Variants in VPS35L observed in about 807,000 individuals in gnomAD.
VPS35L encodes VPS35 endosomal protein sorting factor like.
In VPS35L, 83 loss-of-function variants were observed where a neutral mutation model predicts 133.0. The ratio of observed to expected loss-of-function variants is 0.62; its 90% CI spans 0.52 to 0.75. VPS35L has a LOEUF of 0.75. Among genes scored for constraint, VPS35L ranks in the 30% least tolerant of loss-of-function variants. The pLI, the probability that VPS35L is intolerant of heterozygous loss-of-function variation, is 0.00. For missense variants in VPS35L, 1,083 were observed against 1,206.8 expected (o/e 0.90, Z 1.52); for synonymous variants, 423 against 449.9 (o/e 0.94, Z 0.76).
At chr16:19,640,845 C>T (rs922817031) in intron 21 of VPS35L, among the ~76,000 whole-genome samples, 1 of 152,148 alleles carries the variant, frequency 6.6e-6, no homozygotes, top group African/African-American at 2.4e-5. Context: ...TTCTCATGCT[C>T]AGGTGATCCT....
At chr16:19,684,011 A>G (rs1236586223) in intron 28 of VPS35L, among the ~76,000 whole-genome samples, 3 of 152,200 alleles carry the variant, frequency 2.0e-5, no homozygotes, top group Admixed American at 1.3e-4. Flanking sequence ...ATACACATGC[A>G]TGAGCTTCGT....
intron 9 of VPS35L, among the ~76,000 whole-genome samples, chr16:19,604,433 A>C (rs1215896750): frequency 1.3e-5 from 2 of 152,302 alleles, no homozygotes; most frequent in East Asian, 3.9e-4. Context: ...CACTTTTATC[A>C]CTAAAATTCT....
intron 29 of VPS35L, chr16:19,693,900 G>T (rs1975799718): frequency 1.4e-5 from 2 of 142,934 alleles, no homozygotes; most frequent in Non-Finnish European, 3.0e-5. Flanking sequence ...AGTGAGCTGT[G>T]ATCATGCCAC....
intron 12 of VPS35L, among the ~76,000 whole-genome samples, chr16:19,613,211 G>A (rs1277977548): frequency 6.6e-6 from 1 of 152,156 alleles, no homozygotes; most frequent in African/African-American, 2.4e-5. Flanking sequence ...GCTGAGGCAC[G>A]AGAATCACTT....
intron 29 of VPS35L, among the ~76,000 whole-genome samples, chr16:19,698,858 T>C (rs531970319): frequency 6.6e-6 from 1 of 152,302 alleles, no homozygotes; most frequent in African/African-American, 2.4e-5. Flanking sequence ...ATTCTGGAGA[T>C]TTATTTTCCC....
At position 19,700,674 on chromosome 16, in the gene VPS35L, C is replaced by G. The variant is rs994760252; in HGVS notation, c.*198C>G. 4.1e-5 allele frequency: 23 copies of G among 560,250 alleles called. No individual in the cohort carries two copies. In the East Asian group the frequency reaches 6.2e-4, roughly 15 times the overall value. The allele number at this position is 560,250 out of a possible 1,614,324, so 34.7% of individuals were successfully genotyped here. A position where few individuals can be genotyped will look rare whatever the true frequency, so the allele number is the denominator to read the frequency against. On this transcript the variant is annotated 3_prime_UTR_variant, in exon 31 of 31. Transcript: ENST00000417362. ...TGGGAGTTGTCAGAGCATTAAAATG[C>G]AATCTTCACTAAGAAGCAGTCTCTG... is the stretch of plus-strand genomic sequence containing the variant.
At position 19,686,557 on chromosome 16, in the gene VPS35L, C is replaced by T. The variant is rs116555036; in HGVS notation, c.2527+4167C>T. 3.5e-3 allele frequency among the ~76,000 whole-genome samples: 527 copies of T among 152,220 alleles called. 2 individuals are homozygous for T. The highest frequency in any genetic ancestry group is 0.012 in the African/African-American group (509 of 41,546). The stretch of plus-strand genomic sequence containing the variant: ...ACTCTTCCACGTCACCTGCCAGGCC[C>T]TCAAAGCATTCGGGTTTGCAACTTG... On this transcript the variant is annotated intron_variant, in intron 28 of 30. Coordinates refer to ENST00000417362, the MANE Select transcript of VPS35L (RefSeq NM_020314.7).
chr16:19,673,084 G>A (rs760040791), intron 27 of VPS35L, among the ~76,000 whole-genome samples: 2 of 152,164 alleles, frequency 1.3e-5, no homozygotes, highest in Non-Finnish European at 2.9e-5. Flanking sequence ...TTTCTGAGGT[G>A]TCATCACAGT....
At chr16:19,580,651 G>A (rs866985217) in intron 6 of VPS35L, among the ~76,000 whole-genome samples, 2 of 151,896 alleles carry the variant, frequency 1.3e-5, no homozygotes, top group Admixed American at 1.3e-4. Flanking sequence ...AGCTGCCGAG[G>A]GTTTTTGCTA....
At chr16:19,697,335 CT>C (rs1173346534) in intron 29 of VPS35L, among the ~76,000 whole-genome samples, 1 of 152,158 alleles carries the variant, frequency 6.6e-6, no homozygotes, top group Non-Finnish European at 1.5e-5. Context: ...GCATTTGAAG[CT>C]GTTCCTTGAC....
At chr16:19,578,712 G>C (rs1486113339) in intron 5 of VPS35L, 1 of 335,704 alleles carries the variant, frequency 3.0e-6, no homozygotes, top group African/African-American at 2.1e-5. Flanking sequence ...TTTGTTCATA[G>C]AAAACAATTA....
chr16:19,690,333 GAGGGAGGAGGA>G (rs903615440), intron 28 of VPS35L, among the ~76,000 whole-genome samples: 1 of 152,214 alleles, frequency 6.6e-6, no homozygotes, highest in Non-Finnish European at 1.5e-5. Context: ...GGGAAGGAGG[GAGGGAGGAGGA>G]AGGGAGGAGG....
chr16:19,699,374 A>T lies in VPS35L; in HGVS notation c.2647-128A>T. ...GAGGTTCAGCAGCTTGCCCTACAGC[A>T]AATACATGGCAGAGCTGGCACTGGA... On this transcript the variant is annotated intron_variant, in intron 29 of 30. Coordinates refer to ENST00000417362, the MANE Select transcript of VPS35L (RefSeq NM_020314.7). The surrounding 1 kb of genome is among the most constrained non-coding windows in gnomAD (Gnocchi z 4.2). 8.2e-7 allele frequency: 1 copy of T among 1,212,622 alleles called. No individual in the cohort carries two copies. Among genetic ancestry groups the T allele is most frequent in the East Asian group, 2.6e-5 (1 of 38,610 alleles). 75.1% of individuals were successfully genotyped at this position (1,212,622 alleles called of 1,614,324 possible). A position where few individuals can be genotyped will look rare whatever the true frequency, so the allele number is the denominator to read the frequency against.
chr16:19,668,591 A>AGTGTGTGTGTGTGTGTGTGTGT (rs35546511), intron 26 of VPS35L, among the ~76,000 whole-genome samples: 7 of 147,402 alleles, frequency 4.7e-5, no homozygotes, highest in African/African-American at 1.5e-4. Flanking sequence ...CTTTAAGCTG[A>AGTGTGTGTGTGTGTGTGTGTGT]GTGTGTGTGT....
chr16:19,695,711 G>T (rs1975882616), intron 29 of VPS35L, among the ~76,000 whole-genome samples: 1 of 152,182 alleles, frequency 6.6e-6, no homozygotes, highest in East Asian at 1.9e-4. Flanking sequence ...GGACTACTCA[G>T]GAGGCTGAGG....
At chr16:19,609,391 AG>A (rs1178492767) in intron 11 of VPS35L, among the ~76,000 whole-genome samples, 2 of 151,966 alleles carry the variant, frequency 1.3e-5, no homozygotes, top group Non-Finnish European at 2.9e-5. Context: ...AAGAGGTCTG[AG>A]GGGGTCCTTT....
rs139753324 is a variant in VPS35L at position 19,682,769 on chromosome 16, G to C, written c.2527+379G>C. ...CCCAACTACTCGGGAGACTGAGGCAGGAGAATCGCTTGAACCTGGGAGGCA... is the reference window on the plus strand; with the variant it reads ...CCCAACTACTCGGGAGACTGAGGCACGAGAATCGCTTGAACCTGGGAGGCA... On this transcript the variant is annotated intron_variant, in intron 28 of 30. Coordinates refer to ENST00000417362, the MANE Select transcript of VPS35L (RefSeq NM_020314.7). 9.2e-5 allele frequency among the ~76,000 whole-genome samples: 14 copies of C among 152,300 alleles called. 1 individual carries two copies. The East Asian group carries it at 2.7e-3, about 29-fold the overall frequency.
At chr16:19,620,970 A>T (rs918726333) in intron 14 of VPS35L, among the ~76,000 whole-genome samples, 2 of 152,184 alleles carry the variant, frequency 1.3e-5, no homozygotes, top group Non-Finnish European at 2.9e-5. Context: ...TAAATTAAAA[A>T]AAATAAATAA....
chr16:19,610,278 T>TTCTCACGTCGAATATA, intron 11 of VPS35L, 44 bp from the exon 12 acceptor site: 1 of 1,503,500 alleles, frequency 6.7e-7, no homozygotes, highest in Non-Finnish European at 9.2e-7. Context: ...GAACAGCGAG[T>TTCTCACGTCGAATATA]TCTCACGTCG....
Sources: allele counts gnomAD v4.1 joint callset (sites outside exome capture counted in the v4.1 genomes callset), GRCh38; gene constraint gnomAD v4.1.1; non-coding constraint Gnocchi (gnomAD v3.1); transcripts MANE v1.5; gene names NCBI Gene and HGNC (gene_info 2026-07-23, HGNC 2026-07-21).